The following CPM variants were observed in gnomAD, a reference collection of about 807,000 sequenced individuals.
The protein encoded by CPM is carboxypeptidase M, also known as renal carboxypeptidase.
A neutral mutation model predicts 46.4 loss-of-function variants in CPM; 35 were observed. The ratio of observed to expected loss-of-function variants is 0.75; its 90% CI spans 0.58 to 1.00. The LOEUF is 1.00. CPM is among the 50% of genes least tolerant of loss of function. The pLI is 0.00. For synonymous variants in CPM, 195 were observed against 195.3 expected (o/e 1.00, Z 0.01); for missense variants, 422 against 530.4 (o/e 0.80, Z 2.01).
intron 2 of CPM, among the ~76,000 whole-genome samples, chr12:68,913,097 C>T (rs138490144): frequency 6.6e-6 from 1 of 152,182 alleles, no homozygotes. Context: ...TGGGTAGATG[C>T]TGTCCTGCCA....
chr12:68,904,988 A>G (rs1720133490), intron 2 of CPM, among the ~76,000 whole-genome samples: 1 of 150,432 alleles, frequency 6.6e-6, no homozygotes, highest in Admixed American at 6.6e-5. Flanking sequence ...GGCTCACTGC[A>G]ACCTCCACCT....
chr12:68,958,094 A>C (rs1192974909), intron 1 of CPM, among the ~76,000 whole-genome samples: 2 of 152,126 alleles, frequency 1.3e-5, no homozygotes, highest in African/African-American at 4.8e-5. Context: ...TCTATTATTG[A>C]TGGACATTTG....
intron 2 of CPM, among the ~76,000 whole-genome samples, chr12:68,894,864 C>T (rs1175415660): frequency 1.3e-5 from 2 of 151,764 alleles, no homozygotes; most frequent in Non-Finnish European, 2.9e-5. Context: ...GTGAAACTGT[C>T]ACCACTAAAA....
At chr12:68,844,811 G>A (rs1592611113) in intron 5 of CPM, 2 of 200,842 alleles carry the variant, frequency 1.0e-5, no homozygotes, top group East Asian at 7.7e-5. Context: ...CTGTGGCTCA[G>A]GCTGGAGTAC....
intron 1 of CPM, among the ~76,000 whole-genome samples, chr12:68,948,791 G>T (rs2136334198): frequency 6.6e-6 from 1 of 152,252 alleles, no homozygotes; most frequent in Middle Eastern, 3.4e-3. Context: ...CTAGACTCCT[G>T]CATCTTTTGG....
chr12:68,845,608 T>G (rs1884232605), intron 5 of CPM: 1 of 178,260 alleles, frequency 5.6e-6, no homozygotes, highest in East Asian at 9.4e-5. Flanking sequence ...AAGCTCTCCT[T>G]TAAAGACTTT....
At position 68,862,333 on chromosome 12, in the gene CPM, CAAG is replaced by C. The variant is rs1350872324; in HGVS notation, c.941-3265_941-3263del. ...CACTGCAACTTTCATCTCCCGGGTT[CAAG>C]CGATTCTCCTGCCTCAGCACCCCAA... On this transcript the variant is annotated intron_variant, in intron 7 of 8. Coordinates refer to ENST00000551568, the MANE Select transcript of CPM (RefSeq NM_198320.5). Among the ~76,000 whole-genome samples the C allele has an allele frequency of 1.4e-5, 2 of 138,934 alleles. 1 individual carries two copies. Among genetic ancestry groups the C allele is most frequent in the Non-Finnish European group, 3.1e-5 (2 of 63,890 alleles). The allele number at this position is 138,934 out of a possible 152,430, so 91.1% of individuals were successfully genotyped here.
chr12:68,920,693 C>CT (rs11391172), intron 2 of CPM, among the ~76,000 whole-genome samples: 7,570 of 131,620 alleles, frequency 0.058, 726 homozygotes, highest in African/African-American at 0.16. Flanking sequence ...TTTTCTTTTT[C>CT]TTTTTCTTTT....
In CPM at chr12:68,852,797, A is replaced by T. The variant is rs868629663; in HGVS notation, c.*3640T>A. The T allele has an allele frequency of 1.3e-5, 2 of 151,876 alleles. No individual in the cohort carries two copies. The highest frequency in any genetic ancestry group is 3.9e-4 in the East Asian group (2 of 5,180). The allele number at this position is 151,876 out of a possible 1,614,324, so 9.4% of individuals were successfully genotyped here. A position where few individuals can be genotyped will look rare whatever the true frequency, so the allele number is the denominator to read the frequency against. On this transcript the variant is annotated 3_prime_UTR_variant, in exon 9 of 9. Transcript: ENST00000551568. ...GGCTGGTCTCGAGCTCCTGACCTCA[A>T]GTGATCCGCCTGCCTCAGCCTCCCA...
intron 1 of CPM, among the ~76,000 whole-genome samples, chr12:68,948,996 C>T (rs544876810): frequency 1.4e-4 from 21 of 152,254 alleles, no homozygotes; most frequent in East Asian, 1.2e-3. Context: ...GGTAAGCTCC[C>T]GGAGGACACA....
At chr12:68,958,817 C>T (rs114578201) in intron 1 of CPM, among the ~76,000 whole-genome samples, 2,036 of 152,270 alleles carry the variant, frequency 0.013, 35 homozygotes, top group African/African-American at 0.047. Flanking sequence ...GAACTATCCC[C>T]GCCTGCCTCT....
chr12:68,863,887 C>A (rs962950096), intron 7 of CPM, among the ~76,000 whole-genome samples: 2 of 152,132 alleles, frequency 1.3e-5, no homozygotes, highest in African/African-American at 4.8e-5. Context: ...AGAGCAATAC[C>A]AATAAAGGGG....
intron 2 of CPM, among the ~76,000 whole-genome samples, chr12:68,909,421 G>A (rs560238281): frequency 6.6e-6 from 1 of 152,226 alleles, no homozygotes; most frequent in Non-Finnish European, 1.5e-5. Flanking sequence ...TGTTGGTTAG[G>A]ATGTGGGGAA....
At chr12:68,908,077 C>T (rs950492204) in intron 2 of CPM, among the ~76,000 whole-genome samples, 5 of 152,160 alleles carry the variant, frequency 3.3e-5, no homozygotes, top group Non-Finnish European at 7.3e-5. Flanking sequence ...TCCCCTGCCT[C>T]GGCCTCCCAA....
chr12:68,948,857 T>C (rs1415848088), intron 1 of CPM, among the ~76,000 whole-genome samples: 2 of 152,202 alleles, frequency 1.3e-5, no homozygotes, highest in African/African-American at 4.8e-5. Flanking sequence ...ATGTATACTA[T>C]GGCTAAATAT....
chr12:68,931,763 A>AAAAAAAAAAAAAAAAGAAAG (rs1482981614), intron 2 of CPM, among the ~76,000 whole-genome samples: 1 of 132,506 alleles, frequency 7.5e-6, no homozygotes, highest in Non-Finnish European at 1.6e-5. Flanking sequence ...AAAAAAAAAA[A>AAAAAAAAAAAAAAAAGAAAG]AAAGAAAGAA....
chr12:68,865,641 C>T (rs1337333761), intron 7 of CPM, among the ~76,000 whole-genome samples: 1 of 123,974 alleles, frequency 8.1e-6, no homozygotes, highest in East Asian at 2.0e-4. Flanking sequence ...CACTCACACT[C>T]TCTCTCTCTC....
intron 1 of CPM, among the ~76,000 whole-genome samples, chr12:68,958,922 C>T (rs1170190368): frequency 1.3e-5 from 2 of 152,146 alleles, no homozygotes; most frequent in Non-Finnish European, 2.9e-5. Context: ...TGCCCTGTGC[C>T]AGACACATTC....
chr12:68,911,136 A>G (rs1887579599), intron 2 of CPM, among the ~76,000 whole-genome samples: 1 of 152,204 alleles, frequency 6.6e-6, no homozygotes, highest in Non-Finnish European at 1.5e-5. Flanking sequence ...TTGGCCAAAC[A>G]TACCACAAGC....
Sources: gnomAD v4.1 joint callset for allele counts (sites outside exome capture counted in the v4.1 genomes callset) on GRCh38, gnomAD v4.1.1 for gene constraint, MANE v1.5 for transcripts, NCBI Gene and HGNC (gene_info 2026-07-23, HGNC 2026-07-21) for gene names.